C3orf33: variants seen among roughly 807,000 people sequenced by gnomAD.
C3orf33 encodes the protein AP-1 activity suppressor.
A neutral mutation model predicts 28.7 loss-of-function variants in C3orf33; 23 were observed. The ratio of observed to expected loss-of-function variants is 0.80; its 90% confidence interval spans 0.58 to 1.13. C3orf33 has a LOEUF of 1.13. C3orf33 is among the 50% of genes most tolerant of loss of function. The probability of loss-of-function intolerance (pLI) is 0.00; values close to 1 mark genes in which losing one functional copy is unlikely to be tolerated. For synonymous variants in C3orf33, 119 were observed against 120.5 expected, an observed-to-expected ratio of 0.99 and a Z score of 0.08; for missense variants, 327 against 353.4, an observed-to-expected ratio of 0.93 and a Z score of 0.60.
chr3:155,776,964 G>A (rs1750769377), intron 2 of C3orf33, among the ~76,000 whole-genome samples: 1 of 151,846 alleles, frequency 6.6e-6, no homozygotes, highest in South Asian at 2.1e-4. Context: ...AAATAAATGA[G>A]ATTTAAGAAA....
intron 2 of C3orf33, among the ~76,000 whole-genome samples, chr3:155,776,324 C>A (rs1159019811): frequency 1.3e-5 from 2 of 151,966 alleles, no homozygotes; most frequent in African/African-American, 4.8e-5. Context: ...GGAGAAAAGG[C>A]ACATTTAAAA....
intron 2 of C3orf33, 116 bp downstream of exon 2, chr3:155,802,416 T>C: frequency 1.3e-6 from 1 of 742,694 alleles, no homozygotes; most frequent in South Asian, 1.6e-5. Context: ...TAAAATACTA[T>C]TTAAAAGCTA....
At chr3:155,776,759 CAAAAAAAAAAAAA>C (rs10654812) in intron 2 of C3orf33, among the ~76,000 whole-genome samples, 3 of 86,882 alleles carry the variant, frequency 3.5e-5, no homozygotes, top group Admixed American at 1.2e-4. Context: ...CTGACTCTGT[CAAAAAAAAAAAAA>C]AAAAAAAAAA....
intron 2 of C3orf33, among the ~76,000 whole-genome samples, chr3:155,791,539 C>G (rs1163875593): frequency 6.6e-6 from 1 of 152,098 alleles, no homozygotes; most frequent in Non-Finnish European, 1.5e-5. Flanking sequence ...TCCCCAAGTC[C>G]AGGCTTAGGC....
chr3:155,790,702 G>C (rs1017553846), intron 2 of C3orf33, among the ~76,000 whole-genome samples: 1 of 152,168 alleles, frequency 6.6e-6, no homozygotes, highest in Non-Finnish European at 1.5e-5. Flanking sequence ...TTAGAACTCA[G>C]TGCTGCCTGT....
intron 3 of C3orf33, among the ~76,000 whole-genome samples, chr3:155,770,544 G>C (rs16834525): frequency 0.019 from 2,966 of 152,184 alleles, 84 homozygotes; most frequent in African/African-American, 0.068. Context: ...ACTTGACAAA[G>C]GTCATTGCAT....
At chr3:155,800,105 T>C (rs1468529694) in intron 2 of C3orf33, among the ~76,000 whole-genome samples, 1 of 152,156 alleles carries the variant, frequency 6.6e-6, no homozygotes, top group African/African-American at 2.4e-5. Context: ...GAAGAAATGC[T>C]TGAGGTGATG....
At chr3:155,803,431 G>A (rs183173474) in intron 1 of C3orf33, among the ~76,000 whole-genome samples, 2 of 151,320 alleles carry the variant, frequency 1.3e-5, no homozygotes, top group Non-Finnish European at 2.9e-5. Flanking sequence ...CGGGCGTGGT[G>A]GTGGGCGCCT....
At chr3:155,791,030 G>C (rs1249127160) in intron 2 of C3orf33, among the ~76,000 whole-genome samples, 2 of 152,148 alleles carry the variant, frequency 1.3e-5, no homozygotes, top group Non-Finnish European at 2.9e-5. Context: ...CCTAACCCCA[G>C]GTAGCATGGC....
chr3:155,793,156 C>T (rs1165568102), intron 2 of C3orf33, among the ~76,000 whole-genome samples: 1 of 151,592 alleles, frequency 6.6e-6, no homozygotes, highest in Non-Finnish European at 1.5e-5. Flanking sequence ...TCCTTACAAG[C>T]CAGGCGAGAG....
At chr3:155,782,882 C>T (rs1483454903) in intron 2 of C3orf33, among the ~76,000 whole-genome samples, 1 of 152,188 alleles carries the variant, frequency 6.6e-6, no homozygotes, top group East Asian at 1.9e-4. Flanking sequence ...TGTAACTCCA[C>T]TTTTTGTTTT....
chr3:155,801,785 T>C (rs985424892), intron 2 of C3orf33, among the ~76,000 whole-genome samples: 1 of 152,172 alleles, frequency 6.6e-6, no homozygotes, highest in Admixed American at 6.6e-5. Flanking sequence ...AGTTTCACTC[T>C]TGTTGCCCAG....
chr3:155,783,223 C>T (rs113977995), intron 2 of C3orf33, among the ~76,000 whole-genome samples: 3,863 of 147,406 alleles, frequency 0.026, 189 homozygotes, highest in African/African-American at 0.091. Flanking sequence ...GGCACAATCT[C>T]GGCTCACTGC....
intron 2 of C3orf33, among the ~76,000 whole-genome samples, chr3:155,801,722 G>T (rs939157233): frequency 6.6e-6 from 1 of 152,010 alleles, no homozygotes; most frequent in African/African-American, 2.4e-5. Flanking sequence ...GAGGGGAAAG[G>T]GAAGTTGGAG....
At chr3:155,778,536 A>G (rs1172367461) in intron 2 of C3orf33, among the ~76,000 whole-genome samples, 1 of 152,212 alleles carries the variant, frequency 6.6e-6, no homozygotes, top group Non-Finnish European at 1.5e-5. Flanking sequence ...GAATGTGACA[A>G]AATTTTTTAG....
At chr3:155,804,437 T>C (rs1751756002) in intron 1 of C3orf33, among the ~76,000 whole-genome samples, 1 of 152,198 alleles carries the variant, frequency 6.6e-6, no homozygotes. Flanking sequence ...ACTTACTAAG[T>C]AGCAGGCATT....
chr3:155,802,448 T>C (rs1751675887), intron 2 of C3orf33, 84 bp downstream of exon 2: 1 of 971,594 alleles, frequency 1.0e-6, no homozygotes, highest in South Asian at 1.3e-5. Flanking sequence ...AACAATATGA[T>C]ACACTGTTTG....
At chr3:155,770,993 T>TGTGTGTGTG (rs1553770156) in intron 3 of C3orf33, among the ~76,000 whole-genome samples, 4 of 140,058 alleles carry the variant, frequency 2.9e-5, no homozygotes, top group Non-Finnish European at 4.7e-5. Context: ...TGTGTGTGTG[T>TGTGTGTGTG]TGAGACATAG....
intron 2 of C3orf33, among the ~76,000 whole-genome samples, chr3:155,779,122 T>C (rs1485454626): frequency 1.3e-5 from 2 of 152,076 alleles, no homozygotes; most frequent in Non-Finnish European, 1.5e-5. Context: ...AAGTATAACA[T>C]TGCTGCTAAA....
Sources: allele counts gnomAD v4.1 joint callset (sites outside exome capture counted in the v4.1 genomes callset), GRCh38; gene constraint gnomAD v4.1.1; transcripts MANE v1.5; gene names NCBI Gene and HGNC (gene_info 2026-07-23, HGNC 2026-07-21).